CRYBG1: variants seen among roughly 807,000 people sequenced by gnomAD.
The protein encoded by CRYBG1 is crystallin beta-gamma domain containing 1, also known as beta/gamma crystallin domain-containing protein 1.
Under a neutral mutation model 189.2 loss-of-function variants are expected in CRYBG1, and 139 were observed. The ratio of observed to expected loss-of-function variants is 0.73; its 90% CI spans 0.64 to 0.85. CRYBG1 has a LOEUF of 0.85. CRYBG1 is among the 40% of genes least tolerant of loss of function. CRYBG1 has a pLI of 0.00. For synonymous variants in CRYBG1, 1,023 were observed against 1,017.1 expected (o/e 1.01, Z -0.11); for missense variants, 2,611 against 2,675.8 (o/e 0.98, Z 0.53).
intron 2 of CRYBG1, among the ~76,000 whole-genome samples, chr6:106,474,955 GA>G (rs1562078968): frequency 1.3e-5 from 2 of 152,104 alleles, no homozygotes. Context: ...AATGTTGGGG[GA>G]AAACAGGTAG....
chr6:106,541,661 ATTAT>A, intron 10 of CRYBG1, 40 bp downstream of exon 10: 1 of 1,357,962 alleles, frequency 7.4e-7, no homozygotes, highest in Non-Finnish European at 1.0e-6. Context: ...TGTATATGTA[ATTAT>A]TTAAACATAT....
chr6:106,545,062 C>G, intron 13 of CRYBG1, 129 bp downstream of exon 13: 7 of 724,678 alleles, frequency 9.7e-6, no homozygotes, highest in Non-Finnish European at 1.5e-5. Context: ...TTAAATCAGT[C>G]ATTTAATAGT....
Position 106,571,204 on chromosome 6 carries a change from G to GAATC in CRYBG1, c.*2640_*2643dup, listed in dbSNP as rs1239940546. The GAATC allele has an allele frequency of 6.6e-6, 1 of 152,152 alleles. No individual in the cohort carries two copies. The highest frequency in any genetic ancestry group is 2.4e-5 in the African/African-American group (1 of 41,440). 9.4% of individuals were successfully genotyped at this position (152,152 alleles called of 1,614,324 possible). On this transcript the variant is annotated 3_prime_UTR_variant, in exon 22 of 22. Transcript: ENST00000633556. ...TTCAATATTAAGAGCATAAACAAAT[G>GAATC]AATCACCAGGCAGATTTTTATATAT...
At chr6:106,389,614 A>AT (rs946193448) in intron 1 of CRYBG1, among the ~76,000 whole-genome samples, 1 of 152,022 alleles carries the variant, frequency 6.6e-6, no homozygotes, top group African/African-American at 2.4e-5. Flanking sequence ...AAAAATAGCA[A>AT]TTTTTTACCT....
intron 1 of CRYBG1, among the ~76,000 whole-genome samples, chr6:106,394,384 G>A (rs538807628): frequency 2.8e-4 from 43 of 152,168 alleles, no homozygotes; most frequent in South Asian, 1.2e-3. Flanking sequence ...TATTTTCTGC[G>A]TCATGTTCAT....
chr6:106,513,824 C>T (rs575570245), intron 3 of CRYBG1, among the ~76,000 whole-genome samples: 1 of 152,334 alleles, frequency 6.6e-6, no homozygotes, highest in African/African-American at 2.4e-5. Context: ...GCTTCTTCCT[C>T]CTTGTGCTGC....
chr6:106,508,306 G>A (rs9400022), intron 2 of CRYBG1, among the ~76,000 whole-genome samples: 61,180 of 152,232 alleles, frequency 0.4, 12,892 homozygotes, highest in Non-Finnish European at 0.45. Flanking sequence ...TTCCCAGGGG[G>A]AAAACTCTGT....
chr6:106,500,064 A>C (rs1254608292), intron 2 of CRYBG1, among the ~76,000 whole-genome samples: 1 of 152,140 alleles, frequency 6.6e-6, no homozygotes, highest in African/African-American at 2.4e-5. Flanking sequence ...TTATCCATTC[A>C]TCCACTGGTG....
chr6:106,553,888 C>T (rs1001177853), intron 16 of CRYBG1, among the ~76,000 whole-genome samples: 1 of 152,170 alleles, frequency 6.6e-6, no homozygotes, highest in Admixed American at 6.5e-5. Flanking sequence ...GTTCAAAGGA[C>T]AGGATCGGCA....
intron 2 of CRYBG1, among the ~76,000 whole-genome samples, chr6:106,510,928 G>C (rs144874427): frequency 2.0e-5 from 3 of 152,298 alleles, no homozygotes; most frequent in African/African-American, 7.2e-5. Context: ...GCTTCTTACT[G>C]TTCTGGAGGA....
chr6:106,417,951 C>G (rs1582751242), intron 1 of CRYBG1, among the ~76,000 whole-genome samples: 1 of 152,266 alleles, frequency 6.6e-6, no homozygotes, highest in African/African-American at 2.4e-5. Context: ...TCAGTCGGCC[C>G]CTGGCCCTGT....
Position 106,512,850 on chromosome 6 carries a change from T to A in CRYBG1, c.1733T>A (p.Leu578Gln). The A allele has an allele frequency of 6.3e-7, 1 of 1,584,956 alleles. No homozygotes were observed. The highest frequency in any genetic ancestry group is 1.1e-5 in the South Asian group (1 of 87,650). Residue 578 changes from leucine (L) to glutamine (Q), a missense_variant, in exon 3 of 22, where the codon CTG (leucine) becomes CAG (glutamine). Physicochemically the swap from Leu to Gln is moderately radical, Grantham distance 113. Coordinates refer to ENST00000633556, the MANE Select transcript of CRYBG1 (RefSeq NM_001371242.2). ...GAGCTCCCGGTCAAGAGCAGCTCGC[T>A]GCTGCCGGAGATCAAGCCCGAGCAC... ...PRELPVKSSS[L>Q]LPEIKPEHKR...
intron 2 of CRYBG1, among the ~76,000 whole-genome samples, chr6:106,479,655 T>G (rs1772403499): frequency 6.6e-6 from 1 of 152,256 alleles, no homozygotes; most frequent in Non-Finnish European, 1.5e-5. Flanking sequence ...GGTTTTGATT[T>G]GCATTTCTGT....
chr6:106,511,289 A>G, intron 2 of CRYBG1, 141 bp from the exon 3 acceptor site: 3 of 838,002 alleles, frequency 3.6e-6, no homozygotes, highest in East Asian at 5.6e-5. Context: ...GTTGGAATGA[A>G]TGTAACATAA....
At position 106,451,775 on chromosome 6, in the gene CRYBG1, C is replaced by T. The variant is rs567125650; in HGVS notation, c.255C>T (p.Phe85=). ...TGCACTGTGGGGAATCCCAGTTCTT[C>T]CACACCACCAGTGAGGCGCTTGGTT... ...FPLHCGESQF[F]HTTSEALGSL... is the part of the protein sequence containing the mutation. The change falls in exon 2 of 22, where the codon TTC becomes TTT. Residue 85 remains phenylalanine (F), a synonymous_variant. Coordinates refer to ENST00000633556, the MANE Select transcript of CRYBG1 (RefSeq NM_001371242.2). The T allele has an allele frequency of 6.5e-7, 1 of 1,535,004 alleles. No homozygotes were observed. Among genetic ancestry groups the T allele is most frequent in the South Asian group, 1.2e-5 (1 of 84,022 alleles).
At chr6:106,430,355 G>A (rs1771301799) in intron 1 of CRYBG1, among the ~76,000 whole-genome samples, 2 of 151,980 alleles carry the variant, frequency 1.3e-5, no homozygotes, top group South Asian at 2.1e-4. Flanking sequence ...AAGCCATGAT[G>A]GTGCCACTAC....
At chr6:106,499,694 A>G (rs1273717330) in intron 2 of CRYBG1, among the ~76,000 whole-genome samples, 1 of 152,116 alleles carries the variant, frequency 6.6e-6, no homozygotes, top group Non-Finnish European at 1.5e-5. Flanking sequence ...TTTAAAATCT[A>G]TCCTTTTAGC....
intron 2 of CRYBG1, among the ~76,000 whole-genome samples, chr6:106,455,871 GT>G (rs1272425204): frequency 1.3e-5 from 2 of 152,102 alleles, no homozygotes; most frequent in Non-Finnish European, 2.9e-5. Context: ...AGAAGTTTGT[GT>G]GTGTACTTTT....
chr6:106,455,765 G>A (rs191569514), intron 2 of CRYBG1, among the ~76,000 whole-genome samples: 1 of 151,608 alleles, frequency 6.6e-6, no homozygotes, highest in Admixed American at 6.6e-5. Context: ...AGCAAAAAAA[G>A]GTTTTTTGCT....
Sources: allele counts gnomAD v4.1 joint callset (sites outside exome capture counted in the v4.1 genomes callset), GRCh38; gene constraint gnomAD v4.1.1; transcripts MANE v1.5; gene names NCBI Gene and HGNC (gene_info 2026-07-23, HGNC 2026-07-21).